Variants in SLC15A1 observed in about 807,000 individuals in gnomAD.
The protein encoded by SLC15A1 is Caco-2 oligopeptide transporter.
Under a neutral mutation model 92.9 loss-of-function variants are expected in SLC15A1, and 83 were observed. The observed-to-expected ratio is 0.89, with a 90% CI of 0.75 to 1.07. The LOEUF (loss-of-function observed/expected upper bound fraction) is 1.07, where lower values mean the gene tolerates loss of function less well. Ranked by LOEUF, SLC15A1 falls within the 50% of genes least tolerant of loss-of-function variation. The pLI, the probability that SLC15A1 is intolerant of heterozygous loss-of-function variation, is 0.00. For synonymous variants in SLC15A1, 322 were observed against 318.2 expected (o/e 1.01, Z -0.13); for missense variants, 857 against 880.1 (o/e 0.97, Z 0.33).
At chr13:98,701,420 G>A (rs2088066001) in intron 18 of SLC15A1, among the ~76,000 whole-genome samples, 1 of 152,022 alleles carries the variant, frequency 6.6e-6, no homozygotes, top group African/African-American at 2.4e-5. Context: ...TTGATTCTGT[G>A]AGCTTCTTTT....
Position 98,708,727 on chromosome 13 carries a change from T to C in SLC15A1, c.1108A>G (p.Met370Val), listed in dbSNP as rs759378438. 8.1e-5 allele frequency: 131 copies of C among 1,613,440 alleles called. No homozygotes were observed. The highest frequency in any genetic ancestry group is 1.6e-4 in the Middle Eastern group (1 of 6,084). ...ACGATGGCAGCCACCACAAAGGCCA[T>C]GGAGGCCAGGACCATGCCAACTGCC... ...KMAVGMVLAS[M>V]AFVVAAIVQV... Residue 370 changes from methionine to valine, a missense_variant, in exon 15 of 23, where the codon ATG becomes GTG. Physicochemically the swap from Met to Val is conservative, Grantham distance 21 (BLOSUM62 1). Coordinates refer to ENST00000376503, the MANE Select transcript of SLC15A1 (RefSeq NM_005073.4).
At chr13:98,747,448 G>A (rs2088502535) in intron 1 of SLC15A1, among the ~76,000 whole-genome samples, 2 of 152,174 alleles carry the variant, frequency 1.3e-5, no homozygotes, top group Non-Finnish European at 2.9e-5. Context: ...GTCATCAGCA[G>A]CTCCACCATG....
At chr13:98,749,766 T>G (rs898183541) in intron 1 of SLC15A1, among the ~76,000 whole-genome samples, 1 of 152,236 alleles carries the variant, frequency 6.6e-6, no homozygotes. Context: ...CCTGTTTTTG[T>G]GTGGCTCACA....
Position 98,704,299 on chromosome 13 carries a change from T to C in SLC15A1, c.1406A>G (p.His469Arg), listed in dbSNP as rs2088093847. 6.2e-7 allele frequency: 1 copy of C among 1,607,616 alleles called. No individual in the cohort carries two copies. Among genetic ancestry groups the C allele is most frequent in the Non-Finnish European group, 8.5e-7 (1 of 1,177,504 alleles). ...RHTLLVWAPN[H>R]YQVVKDGLNQ... ...TCTTCACACACTTACCACCTGGTAG[T>C]GATTGGGGGCCCACACTAGAAGCGT... Residue 469 changes from histidine to arginine, a missense_variant, in exon 17 of 23, where the codon CAC becomes CGC. By Grantham distance (29) the His-to-Arg change is conservative. Transcript: ENST00000376503.
chr13:98,703,745 CAG>C (rs1374053509), intron 17 of SLC15A1, among the ~76,000 whole-genome samples: 1 of 151,742 alleles, frequency 6.6e-6, no homozygotes, highest in Non-Finnish European at 1.5e-5. Context: ...TTTGTAGAGA[CAG>C]GGGTCTCACT....
chr13:98,726,944 T>A, intron 1 of SLC15A1, 85 bp from the exon 2 acceptor site: 1 of 1,392,698 alleles, frequency 7.2e-7, no homozygotes, highest in Non-Finnish European at 1.0e-6. Context: ...TCTGACTTTT[T>A]AGGGTGGTCA....
intron 18 of SLC15A1, among the ~76,000 whole-genome samples, chr13:98,691,497 T>C (rs1383926176): frequency 7.9e-5 from 12 of 152,256 alleles, no homozygotes; most frequent in Admixed American, 7.8e-4. Flanking sequence ...TCATCTCTTC[T>C]GGGTGACACC....
intron 18 of SLC15A1, 131 bp downstream of exon 18, chr13:98,702,348 AG>A: frequency 8.5e-6 from 6 of 705,286 alleles, no homozygotes; most frequent in Non-Finnish European, 1.3e-5. Flanking sequence ...GGGAATATTC[AG>A]CCAGCCTTAC....
chr13:98,749,429 C>T (rs796540863), intron 1 of SLC15A1, among the ~76,000 whole-genome samples: 4 of 152,232 alleles, frequency 2.6e-5, no homozygotes, highest in African/African-American at 9.6e-5. Flanking sequence ...AACCTGAAGC[C>T]TTGTACCTAA....
chr13:98,709,528 G>A (rs2088143652), intron 14 of SLC15A1, 44 bp downstream of exon 14: 1 of 1,551,020 alleles, frequency 6.4e-7, no homozygotes, highest in African/African-American at 1.4e-5. Flanking sequence ...GCAAAGCCCT[G>A]GGACCAAGGG....
intron 1 of SLC15A1, among the ~76,000 whole-genome samples, chr13:98,727,608 A>C (rs1283113938): frequency 6.6e-6 from 1 of 152,146 alleles, no homozygotes; most frequent in Non-Finnish European, 1.5e-5. Context: ...GGACTCTCCC[A>C]TGTGCATCCT....
chr13:98,721,645 C>G (rs1207845895), intron 6 of SLC15A1, 60 bp from the exon 7 acceptor site: 6 of 1,301,462 alleles, frequency 4.6e-6, no homozygotes, highest in East Asian at 2.3e-5. Flanking sequence ...GCACAGGGAG[C>G]TGATGATCTC....
At chr13:98,731,918 G>T (rs964083133) in intron 1 of SLC15A1, among the ~76,000 whole-genome samples, 1 of 152,132 alleles carries the variant, frequency 6.6e-6, no homozygotes, top group Non-Finnish European at 1.5e-5. Context: ...TACCAAGAAG[G>T]CATTTTGTTT....
At chr13:98,696,144 T>C (rs2088018933) in intron 18 of SLC15A1, among the ~76,000 whole-genome samples, 1 of 151,824 alleles carries the variant, frequency 6.6e-6, no homozygotes, top group Non-Finnish European at 1.5e-5. Flanking sequence ...CTGGGCACGG[T>C]GGCTCGCAAC....
intron 1 of SLC15A1, among the ~76,000 whole-genome samples, chr13:98,735,239 A>G (rs1421126765): frequency 8.5e-5 from 13 of 152,394 alleles, no homozygotes; most frequent in African/African-American, 3.1e-4. Context: ...GACAAAAACC[A>G]CATGACTATC....
intron 5 of SLC15A1, 27 bp downstream of exon 5, chr13:98,723,885 T>C (rs762315449): frequency 1.2e-6 from 2 of 1,613,078 alleles, no homozygotes; most frequent in South Asian, 1.1e-5. Context: ...GGGAGGGTGA[T>C]GGGGGCAGCA....
chr13:98,730,307 T>C (rs1166102155), intron 1 of SLC15A1, among the ~76,000 whole-genome samples: 5 of 139,940 alleles, frequency 3.6e-5, no homozygotes, highest in South Asian at 2.4e-4. Flanking sequence ...GGAAGGGGCA[T>C]TTTAGATGCT....
chr13:98,716,106 T>A, intron 8 of SLC15A1, 146 bp from the exon 9 acceptor site: 1 of 686,840 alleles, frequency 1.5e-6, no homozygotes, highest in South Asian at 1.8e-5. Context: ...ACCTCACAGT[T>A]TAGAAAGTGC....
chr13:98,742,754 T>C (rs1189590458), intron 1 of SLC15A1, among the ~76,000 whole-genome samples: 4 of 152,060 alleles, frequency 2.6e-5, no homozygotes, highest in Non-Finnish European at 5.9e-5. Flanking sequence ...TATGTCCAAA[T>C]CTCCTCTTTT....
Sources: gnomAD v4.1 joint callset for allele counts (sites outside exome capture counted in the v4.1 genomes callset) on GRCh38, gnomAD v4.1.1 for gene constraint, MANE v1.5 for transcripts, NCBI Gene and HGNC (gene_info 2026-07-23, HGNC 2026-07-21) for gene names.